MEX3D: variants seen among roughly 807,000 people sequenced by gnomAD.
MEX3D encodes mex-3 RNA binding family member D.
MEX3D carries 4 observed loss-of-function variants against 6.3 expected under a neutral mutation model. The ratio of observed to expected loss-of-function variants is 0.64; its 90% CI spans 0.31 to 1.46. The LOEUF is 1.46. MEX3D is among the 40% of genes most tolerant of loss of function. The pLI, the probability that MEX3D is intolerant of heterozygous loss-of-function variation, is 0.07. For missense variants in MEX3D, 1,038 were observed against 994.4 expected (o/e 1.04, Z -0.59); for synonymous variants, 626 against 494.1 (o/e 1.27, Z -3.54).
At chr19:1,560,859 C>T (rs1056581218) in intron 1 of MEX3D, among the ~76,000 whole-genome samples, 18 of 152,212 alleles carry the variant, frequency 1.2e-4, no homozygotes, top group Admixed American at 1.3e-4. Context: ...CACATCAAGA[C>T]GCCAAGGGGC....
chr19:1,561,942 C>T (rs879857595), intron 1 of MEX3D, among the ~76,000 whole-genome samples: 8 of 151,976 alleles, frequency 5.3e-5, no homozygotes, highest in East Asian at 2.0e-4. Flanking sequence ...CCACCATATC[C>T]GGCCTCTACA....
Position 1,556,961 on chromosome 19 carries a change from G to GC in MEX3D, c.596-39dup. The GC allele has an allele frequency of 1.3e-6, 2 of 1,551,848 alleles. No homozygotes were observed. Among genetic ancestry groups the GC allele is most frequent in the Non-Finnish European group, 1.7e-6 (2 of 1,154,718 alleles). On this transcript the variant is annotated intron_variant, in intron 1 of 1. Transcript: ENST00000402693. The surrounding 1 kb of genome is among the most constrained non-coding windows in gnomAD (Gnocchi z 7.5). ...GAGGGGAAGGACAAGGTGACCCAGAGCCCCCTGCGCAGCTCAGCCCCGCTG... is the reference window on the plus strand; with the variant it reads ...GAGGGGAAGGACAAGGTGACCCAGAGCCCCCCTGCGCAGCTCAGCCCCGCTG...
chr19:1,561,861 G>C (rs531101228), intron 1 of MEX3D, among the ~76,000 whole-genome samples: 13 of 152,150 alleles, frequency 8.5e-5, no homozygotes, highest in Non-Finnish European at 1.8e-4. Flanking sequence ...TGCCCAGGCT[G>C]GTCTGGAACT....
chr19:1,560,039 C>T (rs1319216310), intron 1 of MEX3D, among the ~76,000 whole-genome samples: 1 of 152,232 alleles, frequency 6.6e-6, no homozygotes, highest in Non-Finnish European at 1.5e-5. Context: ...TCTCTCCTAA[C>T]ATGCCTGACT....
Position 1,556,116 on chromosome 19 carries a change from G to A in MEX3D, c.1403C>T (p.Ala468Val), listed in dbSNP as rs1473852631. ...AAAAGGCGCCCAGATGGTGGCCGCG[G>A]CGGGCACGGTCAGGTCCAGCGCCAG... The part of the protein sequence containing the change: ...DFLALDLTVP[A>V]AATIWAPFER... The change falls in exon 2 of 2, where the codon GCC (alanine) becomes GTC (valine). Residue 468 changes from alanine (A) to valine (V), a missense_variant. Ala to Val is a moderately conservative substitution (Grantham distance 64). Around this residue, in one of 5 missense-constraint regions of MEX3D, gnomAD observed 581 missense variants for 516.2 expected, o/e 1.13. Transcript: ENST00000402693. The surrounding 1 kb of genome is among the most constrained non-coding windows in gnomAD (Gnocchi z 7.5). 7.5e-6 allele frequency: 11 copies of A among 1,458,334 alleles called. No homozygotes were observed. Among genetic ancestry groups the A allele is most frequent in the South Asian group, 1.2e-5 (1 of 80,212 alleles). The allele number at this position is 1,458,334 out of a possible 1,614,324, so 90.3% of individuals were successfully genotyped here.
chr19:1,561,342 G>C (rs1031762142), intron 1 of MEX3D, among the ~76,000 whole-genome samples: 1 of 152,198 alleles, frequency 6.6e-6, no homozygotes, highest in South Asian at 2.1e-4. Flanking sequence ...AGCAAGGACA[G>C]GATTCTAGAA....
intron 1 of MEX3D, among the ~76,000 whole-genome samples, chr19:1,563,573 C>T (rs1455318760): frequency 1.3e-5 from 2 of 152,174 alleles, no homozygotes; most frequent in South Asian, 2.1e-4. Flanking sequence ...CCCAGGGTGC[C>T]TGGCAAGCGG....
Position 1,567,358 on chromosome 19 carries a change from G to T in MEX3D, c.595+106C>A. The stretch of plus-strand genomic sequence containing the variant: ...CCGGAGCCCACGCGGGGCGTGTCCG[G>T]TGCGGGGCGTCCGGCGCGGGCTGGG... On this transcript the variant is annotated intron_variant, in intron 1 of 1. Transcript: ENST00000402693. This position sits in a 1 kb window ranked among gnomAD's most constrained non-coding sequence, Gnocchi z 6.5. 1.6e-6 allele frequency: 2 copies of T among 1,281,094 alleles called. No homozygotes were observed. Among genetic ancestry groups the T allele is most frequent in the Non-Finnish European group, 2.0e-6 (2 of 992,400 alleles). The allele number at this position is 1,281,094 out of a possible 1,614,324, so 79.4% of individuals were successfully genotyped here.
At position 1,568,167 on chromosome 19, in the gene MEX3D, C is replaced by T. The variant is rs903391118; in HGVS notation, c.-109G>A. 3.3e-6 allele frequency: 3 copies of T among 916,218 alleles called. No homozygotes were observed. Among genetic ancestry groups the T allele is most frequent in the Non-Finnish European group, 3.9e-6 (3 of 775,854 alleles). 56.8% of individuals were successfully genotyped at this position (916,218 alleles called of 1,614,324 possible). The stretch of plus-strand genomic sequence containing the variant: ...GCCGCCGGCCGCCTGCATCCAGCGG[C>T]GGGGGCGGGCACGGGGGGCCGGGCG... On this transcript the variant is annotated 5_prime_UTR_variant, in exon 1 of 2. Coordinates refer to ENST00000402693, the MANE Select transcript of MEX3D (RefSeq NM_203304.4).
Position 1,568,134 on chromosome 19 carries a change from C to G in MEX3D, c.-76G>C. On this transcript the variant is annotated 5_prime_UTR_variant, in exon 1 of 2. Transcript: ENST00000402693. ...CCGCCCGCGCCGCCCTCCGCCTCTG[C>G]GAGCTGGGCCGCCGGCCGCCTGCAT... is the stretch of plus-strand genomic sequence containing the variant. 1 of 975,946 alleles carries G rather than the reference C, an allele frequency of 1.0e-6. No homozygotes were observed. The highest frequency in any genetic ancestry group is 1.2e-6 in the Non-Finnish European group (1 of 825,886). 60.5% of individuals were successfully genotyped at this position (975,946 alleles called of 1,614,324 possible).
Position 1,555,909 on chromosome 19 carries a change from G to A in MEX3D, c.1610C>T (p.Pro537Leu). ...LPLSRRGAPD[P>L]VGALSWRPPQ... The stretch of plus-strand genomic sequence containing the variant: ...GGGTCGCCAGGACAGCGCGCCCACC[G>A]GGTCCGGGGCGCCACGGCGAGACAG... The change falls in exon 2 of 2, where the codon CCG becomes CTG. Residue 537 changes from proline (P) to leucine (L), a missense_variant. Transcript: ENST00000402693. 7 of 1,217,754 alleles carry A rather than the reference G, an allele frequency of 5.7e-6. No homozygotes were observed. Among genetic ancestry groups the A allele is most frequent in the Non-Finnish European group, 7.2e-6 (7 of 978,214 alleles). The allele number at this position is 1,217,754 out of a possible 1,614,324, so 75.4% of individuals were successfully genotyped here.
At position 1,556,372 on chromosome 19, in the gene MEX3D, G is replaced by T. The variant is rs752162305; in HGVS notation, c.1147C>A (p.Pro383Thr). 16 of 1,497,634 alleles carry T rather than the reference G, an allele frequency of 1.1e-5. No individual in the cohort carries two copies. The African/African-American group carries it at 2.2e-4, about 20-fold the overall frequency. The allele number at this position is 1,497,634 out of a possible 1,614,324, so 92.8% of individuals were successfully genotyped here. ...WAKTPNQGRR[P>T]PTATAGLRGD... ...CGGAGGCCGGCCGTGGCCGTGGGGG[G>T]CCGTCGTCCCTGGTTGGGGGTCTTG... Residue 383 changes from proline to threonine, a missense_variant, in exon 2 of 2, where the codon CCC becomes ACC. Around this residue, in one of 5 missense-constraint regions of MEX3D, gnomAD observed 581 missense variants for 516.2 expected, o/e 1.13. Coordinates refer to ENST00000402693, the MANE Select transcript of MEX3D (RefSeq NM_203304.4). This position sits in a 1 kb window ranked among gnomAD's most constrained non-coding sequence, Gnocchi z 7.5.
Position 1,555,227 on chromosome 19 carries a change from T to A in MEX3D, c.*336A>T, listed in dbSNP as rs997527656. 1.0e-5 allele frequency: 12 copies of A among 1,204,782 alleles called. No individual in the cohort carries two copies. The highest frequency in any genetic ancestry group is 1.3e-5 in the Non-Finnish European group (12 of 901,822). 74.6% of individuals were successfully genotyped at this position (1,204,782 alleles called of 1,614,324 possible). ...GCTGGAAAAGTCGTGTTTTTTGTTT[T>A]GCTTTTTTAAAGATCACCCTGGAGG... On this transcript the variant is annotated 3_prime_UTR_variant, in exon 2 of 2. Transcript: ENST00000402693.
chr19:1,556,747 C>A lies in MEX3D; in HGVS notation c.772G>T (p.Gly258Trp), dbSNP rs762451611. The A allele has an allele frequency of 6.2e-7, 1 of 1,612,016 alleles. No individual in the cohort carries two copies. The highest frequency in any genetic ancestry group is 1.7e-5 in the Admixed American group (1 of 59,960). Residue 258 changes from glycine (G) to tryptophan (W), a missense_variant, in exon 2 of 2, where the codon GGG (glycine) becomes TGG (tryptophan). This residue lies in a region of MEX3D where 52 missense variants were observed against 37.4 expected (regional missense o/e 1.39). Coordinates refer to ENST00000402693, the MANE Select transcript of MEX3D (RefSeq NM_203304.4). The surrounding 1 kb of genome is among the most constrained non-coding windows in gnomAD (Gnocchi z 7.5). ...SIIRATRSKA[G>W]GLPGAAQGPP... ...CCCTGGGCGGCGCCGGGCAGACCCC[C>A]GGCCTTGCTGCGCGTGGCGCGGATG...
rs1470098462 is a variant in MEX3D, at chr19:1,556,529, C to T, written c.990G>A (p.Ala330=). 2 of 1,606,608 alleles carry T rather than the reference C, an allele frequency of 1.2e-6. No homozygotes were observed. The highest frequency in any genetic ancestry group is 1.7e-6 in the Non-Finnish European group (2 of 1,177,488). ...VTGMPENVDR[A]REEIEAHITL... is the part of the protein sequence containing the mutation. Reference sequence around the variant, plus strand: ...TGATGTGCGCCTCGATCTCCTCGCGCGCGCGGTCCACGTTCTCGGGCATCC... The same window carrying T: ...TGATGTGCGCCTCGATCTCCTCGCGTGCGCGGTCCACGTTCTCGGGCATCC... The change falls in exon 2 of 2, where the codon GCG becomes GCA. Residue 330 remains alanine (A), a synonymous_variant. Transcript: ENST00000402693. This position sits in a 1 kb window ranked among gnomAD's most constrained non-coding sequence, Gnocchi z 7.5.
intron 1 of MEX3D, among the ~76,000 whole-genome samples, chr19:1,563,355 G>A (rs1008917922): frequency 3.9e-5 from 6 of 152,208 alleles, no homozygotes; most frequent in African/African-American, 7.2e-5. Context: ...AGCCTGTGCC[G>A]ACAGCAGAGA....
Position 1,555,431 on chromosome 19 carries a change from G to GGCCCCCCCCC in MEX3D, c.*131_*132insGGGGGGGGGC. 6.9e-7 allele frequency: 1 copy of GGCCCCCCCCC among 1,454,368 alleles called. No homozygotes were observed. Among genetic ancestry groups the GGCCCCCCCCC allele is most frequent in the East Asian group, 2.7e-5 (1 of 36,492 alleles). 90.1% of individuals were successfully genotyped at this position (1,454,368 alleles called of 1,614,324 possible). On this transcript the variant is annotated 3_prime_UTR_variant, in exon 2 of 2. Coordinates refer to ENST00000402693, the MANE Select transcript of MEX3D (RefSeq NM_203304.4). Reference sequence around the variant, plus strand: ...AGCTCATCTGTAAACACTGGCCGCCGCCCACCCCCCTGCCCCCTCGGCCTC... The same window carrying GGCCCCCCCCC: ...AGCTCATCTGTAAACACTGGCCGCCGGCCCCCCCCCCCCACCCCCCTGCCCCCTCGGCCTC...
At chr19:1,557,022 A>C in intron 1 of MEX3D, 99 bp from the exon 2 acceptor site, 1 of 1,392,274 alleles carries the variant, frequency 7.2e-7, no homozygotes. Context: ...GGGAGCCCCT[A>C]CCTCCCAGCC....
chr19:1,565,437 G>A (rs575886020), intron 1 of MEX3D, among the ~76,000 whole-genome samples: 5 of 152,140 alleles, frequency 3.3e-5, no homozygotes, highest in African/African-American at 4.8e-5. Flanking sequence ...AGCTACTCAG[G>A]AGGCTGAGGC....
Sources: gnomAD v4.1 joint callset for allele counts (sites outside exome capture counted in the v4.1 genomes callset) on GRCh38, gnomAD v4.1.1 for gene constraint, gnomAD v4.1.1 regional missense constraint, Gnocchi (gnomAD v3.1) non-coding constraint, MANE v1.5 for transcripts, NCBI Gene and HGNC (gene_info 2026-07-23, HGNC 2026-07-21) for gene names.